TMX3: variants seen among roughly 807,000 people sequenced by gnomAD.
The protein encoded by TMX3 is thioredoxin related transmembrane protein 3.
In TMX3, 40 loss-of-function variants were observed where a neutral mutation model predicts 64.4. The observed-to-expected ratio is 0.62, with a 90% CI of 0.48 to 0.81. The LOEUF (loss-of-function observed/expected upper bound fraction) is 0.81, where lower values mean the gene tolerates loss of function less well. TMX3 is among the 30% of genes least tolerant of loss of function. TMX3 has a pLI of 0.00. For missense variants in TMX3, 497 were observed against 534.5 expected (o/e 0.93, Z 0.69); for synonymous variants, 189 against 175.7 (o/e 1.08, Z -0.60).
Position 68,715,048 on chromosome 18 carries a change from C to T in TMX3, c.-67G>A. 6.5e-7 allele frequency: 1 copy of T among 1,547,626 alleles called. No homozygotes were observed. The highest frequency in any genetic ancestry group is 2.5e-5 in the East Asian group (1 of 40,546). On this transcript the variant is annotated 5_prime_UTR_variant, in exon 1 of 16. Transcript: ENST00000299608. ...GGATAAAGACACTGGGGTCCGCCGC[C>T]TGCCCGCCCGGAAAGGGAAACGGAG...
chr18:68,685,847 G>A (rs1446279257), intron 10 of TMX3, among the ~76,000 whole-genome samples: 1 of 152,204 alleles, frequency 6.6e-6, no homozygotes, highest in Non-Finnish European at 1.5e-5. Context: ...TAAGGAAGCA[G>A]TATTTGGTCT....
intron 8 of TMX3, among the ~76,000 whole-genome samples, chr18:68,694,230 G>A (rs1272920322): frequency 6.6e-6 from 1 of 152,118 alleles, no homozygotes; most frequent in Non-Finnish European, 1.5e-5. Context: ...AACCCTTCTG[G>A]GAACCCAGAC....
At chr18:68,712,898 G>T (rs1396660113) in intron 2 of TMX3, among the ~76,000 whole-genome samples, 12 of 151,576 alleles carry the variant, frequency 7.9e-5, no homozygotes, top group Admixed American at 7.9e-4. Flanking sequence ...GCACCCATTT[G>T]GTCATGCCAT....
chr18:68,711,840 G>A (rs532127608), intron 2 of TMX3, among the ~76,000 whole-genome samples: 23 of 152,250 alleles, frequency 1.5e-4, no homozygotes, highest in Middle Eastern at 6.8e-3. Context: ...ATGGCTCAGT[G>A]TTCATAAAAT....
chr18:68,683,571 T>A (rs1051995313), intron 12 of TMX3, among the ~76,000 whole-genome samples: 1 of 152,156 alleles, frequency 6.6e-6, no homozygotes. Context: ...CAGTCATTTA[T>A]GTCCAATTAT....
In TMX3 at chr18:68,700,807, T is replaced by C. The variant is rs113787271; in HGVS notation, c.312-322A>G. 23 of 985,210 alleles carry C rather than the reference T, an allele frequency of 2.3e-5. No individual in the cohort carries two copies. The African/African-American group carries it at 3.1e-4, about 13-fold the overall frequency. The allele number at this position is 985,210 out of a possible 1,614,324, so 61.0% of individuals were successfully genotyped here. ...TTGGAAAATTAAAGTACTATAATTC[T>C]CATTACCTTCCCTGTCAAAAGGTAA... On this transcript the variant is annotated intron_variant, in intron 5 of 15. Coordinates refer to ENST00000299608, the MANE Select transcript of TMX3 (RefSeq NM_019022.5).
intron 4 of TMX3, among the ~76,000 whole-genome samples, chr18:68,706,660 G>A (rs1790993237): frequency 6.6e-6 from 1 of 152,134 alleles, no homozygotes; most frequent in African/African-American, 2.4e-5. Context: ...AGGTATCTAT[G>A]AAACAGCCAA....
chr18:68,697,850 TC>T, intron 7 of TMX3, 81 bp downstream of exon 7: 1 of 842,252 alleles, frequency 1.2e-6, no homozygotes, highest in Admixed American at 2.3e-5. Flanking sequence ...AGTAATAAGT[TC>T]TGCGTTTCTA....
chr18:68,680,130 A>C (rs1017460534), intron 14 of TMX3, among the ~76,000 whole-genome samples: 2 of 152,332 alleles, frequency 1.3e-5, no homozygotes, highest in African/African-American at 4.8e-5. Context: ...TTTCAAAAAT[A>C]TTCTTAACTA....
At chr18:68,687,458 T>C (rs1172849017) in intron 10 of TMX3, 11 of 985,290 alleles carry the variant, frequency 1.1e-5, no homozygotes, top group Non-Finnish European at 1.3e-5. Flanking sequence ...GTTCTATTAG[T>C]AAACCATCTC....
chr18:68,682,975 A>G lies in TMX3; in HGVS notation c.855T>C (p.Phe285=). The G allele has an allele frequency of 3.7e-6, 6 of 1,610,648 alleles. No homozygotes were observed. Among genetic ancestry groups the G allele is most frequent in the Non-Finnish European group, 5.1e-6 (6 of 1,177,948 alleles). The change falls in exon 13 of 16, where the codon TTT becomes TTC. Residue 285 remains phenylalanine, a synonymous_variant. Transcript: ENST00000299608. ...RDYRDLFHRD[F]QFGHMDGNDY... is the part of the protein sequence containing the mutation. ...CATTTCCATCCATGTGGCCAAACTG[A>G]AAATCCCTAACCACCACCAACCAAA... is the stretch of plus-strand genomic sequence containing the variant.
Position 68,681,251 on chromosome 18 carries a change from T to C in TMX3, c.906-141A>G, listed in dbSNP as rs571279549. 7.6e-5 allele frequency: 57 copies of C among 753,418 alleles called. 1 individual carries two copies. The South Asian group carries it at 2.1e-3, about 28-fold the overall frequency. The allele number at this position is 753,418 out of a possible 1,614,324, so 46.7% of individuals were successfully genotyped here. A position where few individuals can be genotyped will look rare whatever the true frequency, so the allele number is the denominator to read the frequency against. ...TATTTTATGGTAGAAAATGATCAAA[T>C]AGACCTAGTATTTACGTGTATTTTA... On this transcript the variant is annotated intron_variant, in intron 13 of 15. Coordinates refer to ENST00000299608, the MANE Select transcript of TMX3 (RefSeq NM_019022.5).
chr18:68,710,728 T>C (rs1478090668), intron 3 of TMX3, among the ~76,000 whole-genome samples: 2 of 152,186 alleles, frequency 1.3e-5, no homozygotes, highest in East Asian at 3.8e-4. Context: ...TTAAGTGATG[T>C]TACAAACTAC....
At position 68,698,042 on chromosome 18, in the gene TMX3, A is replaced by G; in HGVS notation, c.393-11T>C. On this transcript the variant is annotated splice_polypyrimidine_tract_variant and intron_variant, in intron 6 of 15. Transcript: ENST00000299608. ...GGCCGAATTAGAGCCCTGTTGCACAACAAAACAAAAAACAAACTTGAATTA... is the reference window on the plus strand; with the variant it reads ...GGCCGAATTAGAGCCCTGTTGCACAGCAAAACAAAAAACAAACTTGAATTA... 1 of 1,592,388 alleles carries G rather than the reference A, an allele frequency of 6.3e-7. No homozygotes were observed. The highest frequency in any genetic ancestry group is 1.7e-5 in the Admixed American group (1 of 58,892).
rs1912815888 is a variant in TMX3 at position 68,675,064 on chromosome 18, A to T, written c.*1869T>A. 6.6e-6 allele frequency: 1 copy of T among 152,120 alleles called. No homozygotes were observed. Among genetic ancestry groups the T allele is most frequent in the Admixed American group, 6.5e-5 (1 of 15,270 alleles). 9.4% of individuals were successfully genotyped at this position (152,120 alleles called of 1,614,324 possible). On this transcript the variant is annotated 3_prime_UTR_variant, in exon 16 of 16. Coordinates refer to ENST00000299608, the MANE Select transcript of TMX3 (RefSeq NM_019022.5). Reference sequence around the variant, plus strand: ...TATAAATATGAAAAAATTCAGTGACATTTTCTATAACTATTTCCCCATGTC... The same window carrying T: ...TATAAATATGAAAAAATTCAGTGACTTTTTCTATAACTATTTCCCCATGTC...
intron 10 of TMX3, 133 bp downstream of exon 10, chr18:68,687,527 GTAAAGAA>G: frequency 2.1e-6 from 3 of 1,420,954 alleles, no homozygotes; most frequent in Non-Finnish European, 2.7e-6. Flanking sequence ...TTACATTCTC[GTAAAGAA>G]CTGGCATTCA....
At chr18:68,709,594 ATTCT>A (rs977234223) in intron 4 of TMX3, among the ~76,000 whole-genome samples, 5 of 152,112 alleles carry the variant, frequency 3.3e-5, no homozygotes, top group Admixed American at 2.6e-4. Context: ...TTGCTCTAGT[ATTCT>A]TTCTAATGTG....
At chr18:68,686,732 CCA>C (rs1913999761) in intron 10 of TMX3, 2 of 984,494 alleles carry the variant, frequency 2.0e-6, no homozygotes, top group Admixed American at 6.2e-5. Flanking sequence ...GAAAGTAAAA[CCA>C]CAGTCTTTGA....
chr18:68,695,213 T>C (rs1333462774), intron 8 of TMX3, among the ~76,000 whole-genome samples: 3 of 152,204 alleles, frequency 2.0e-5, no homozygotes, highest in Non-Finnish European at 4.4e-5. Context: ...TCTCATTATT[T>C]TCTTGATCAC....
Sources: allele counts gnomAD v4.1 joint callset (sites outside exome capture counted in the v4.1 genomes callset), GRCh38; gene constraint gnomAD v4.1.1; transcripts MANE v1.5; gene names NCBI Gene and HGNC (gene_info 2026-07-23, HGNC 2026-07-21).